NR6A1: variants seen among roughly 807,000 people sequenced by gnomAD.
The protein encoded by NR6A1 is retinoic acid receptor-related testis-associated receptor.
Under a neutral mutation model 59.1 loss-of-function variants are expected in NR6A1, and 7 were observed. That is an observed-to-expected ratio of 0.12 (90% CI 0.07 to 0.22). The LOEUF (loss-of-function observed/expected upper bound fraction) is 0.22, where lower values mean the gene tolerates loss of function less well. NR6A1 is among the 10% of genes least tolerant of loss of function. The pLI is 1.00. For missense variants in NR6A1, 468 were observed against 611.6 expected, an observed-to-expected ratio of 0.77 and a Z score of 2.48; for synonymous variants, 243 against 236.1, an observed-to-expected ratio of 1.03 and a Z score of -0.27.
At chr9:124,596,848 C>T (rs187261569) in intron 2 of NR6A1, among the ~76,000 whole-genome samples, 2 of 152,316 alleles carry the variant, frequency 1.3e-5, no homozygotes, top group East Asian at 3.9e-4. Flanking sequence ...TATCAGGACA[C>T]AATAAAAGGG....
chr9:124,730,021 C>T (rs747978350), intron 2 of NR6A1, among the ~76,000 whole-genome samples: 15 of 152,134 alleles, frequency 9.9e-5, no homozygotes, highest in Non-Finnish European at 2.1e-4. Flanking sequence ...CAATATTGGT[C>T]AGGCTGGTCT....
At chr9:124,638,511 AC>A (rs1836682625) in intron 2 of NR6A1, among the ~76,000 whole-genome samples, 1 of 152,192 alleles carries the variant, frequency 6.6e-6, no homozygotes, top group Non-Finnish European at 1.5e-5. Context: ...CAGGAACAGA[AC>A]AAGATTGTGG....
intron 2 of NR6A1, among the ~76,000 whole-genome samples, chr9:124,610,603 T>C (rs1010622932): frequency 6.6e-6 from 1 of 152,218 alleles, no homozygotes; most frequent in Non-Finnish European, 1.5e-5. Flanking sequence ...ATCAGGATGA[T>C]GCTGGCCTCA....
chr9:124,644,271 C>CTTTTTTTTTTTT (rs35401605), intron 2 of NR6A1, among the ~76,000 whole-genome samples: 4 of 96,730 alleles, frequency 4.1e-5, no homozygotes, highest in Non-Finnish European at 5.7e-5. Flanking sequence ...ATTAAGTCTT[C>CTTTTTTTTTTTT]TTTTTTTTTT....
chr9:124,694,970 A>T (rs761300653), intron 2 of NR6A1, among the ~76,000 whole-genome samples: 6 of 152,204 alleles, frequency 3.9e-5, no homozygotes, highest in Admixed American at 2.0e-4. Context: ...AATCATCTAG[A>T]GTTGCTTTTA....
intron 2 of NR6A1, among the ~76,000 whole-genome samples, chr9:124,699,764 C>G (rs141566484): frequency 2.6e-5 from 4 of 152,324 alleles, no homozygotes; most frequent in South Asian, 2.1e-4. Context: ...ACCCATAAAA[C>G]TCCCTTTGTT....
At chr9:124,703,442 A>T (rs1156302096) in intron 2 of NR6A1, among the ~76,000 whole-genome samples, 2 of 150,944 alleles carry the variant, frequency 1.3e-5, no homozygotes, top group African/African-American at 4.9e-5. Flanking sequence ...TCCTGGCCTC[A>T]TGCAATCCTC....
At chr9:124,674,200 C>T (rs1303803905) in intron 2 of NR6A1, among the ~76,000 whole-genome samples, 1 of 152,070 alleles carries the variant, frequency 6.6e-6, no homozygotes, top group Non-Finnish European at 1.5e-5. Flanking sequence ...AAAATGGAGA[C>T]CAATTCACAC....
At chr9:124,618,431 C>T (rs1311854828) in intron 2 of NR6A1, among the ~76,000 whole-genome samples, 6 of 151,906 alleles carry the variant, frequency 3.9e-5, no homozygotes, top group Non-Finnish European at 7.4e-5. Context: ...TGCATTGAGC[C>T]GAGATTGCAC....
intron 6 of NR6A1, among the ~76,000 whole-genome samples, chr9:124,536,977 G>A (rs1014893393): frequency 6.6e-6 from 1 of 152,148 alleles, no homozygotes; most frequent in African/African-American, 2.4e-5. Context: ...ATAAAAGCCG[G>A]CTTTGAGACC....
chr9:124,680,479 CA>C (rs1279661090), intron 2 of NR6A1, among the ~76,000 whole-genome samples: 1 of 151,338 alleles, frequency 6.6e-6, no homozygotes, highest in African/African-American at 2.4e-5. Flanking sequence ...TGAACACACA[CA>C]AAAAAAACGG....
intron 2 of NR6A1, among the ~76,000 whole-genome samples, chr9:124,566,200 T>C (rs1034508709): frequency 3.3e-5 from 5 of 152,168 alleles, no homozygotes; most frequent in Admixed American, 1.3e-4. Context: ...ATAAATACTA[T>C]AGGATTCCAT....
At chr9:124,581,149 A>G (rs1283191831) in intron 2 of NR6A1, among the ~76,000 whole-genome samples, 3 of 152,212 alleles carry the variant, frequency 2.0e-5, no homozygotes, top group Non-Finnish European at 4.4e-5. Context: ...ACCCAAAACT[A>G]TAAAAACCCT....
intron 2 of NR6A1, among the ~76,000 whole-genome samples, chr9:124,571,412 T>G: frequency 6.6e-6 from 1 of 152,168 alleles, no homozygotes; most frequent in Non-Finnish European, 1.5e-5. Context: ...GAATCTGCAG[T>G]AGATATCTTT....
At chr9:124,565,155 G>A (rs868617490) in intron 2 of NR6A1, among the ~76,000 whole-genome samples, 2 of 152,276 alleles carry the variant, frequency 1.3e-5, no homozygotes, top group South Asian at 4.1e-4. Flanking sequence ...AAGGCCAGGT[G>A]TGGAGGCTCA....
chr9:124,664,390 G>A (rs1837541143), intron 2 of NR6A1, among the ~76,000 whole-genome samples: 1 of 152,200 alleles, frequency 6.6e-6, no homozygotes, highest in African/African-American at 2.4e-5. Context: ...TGTTGAGCTA[G>A]ATGACTTTTA....
chr9:124,633,187 C>G (rs911827513), intron 2 of NR6A1, among the ~76,000 whole-genome samples: 11 of 151,922 alleles, frequency 7.2e-5, no homozygotes, highest in Admixed American at 2.0e-4. Flanking sequence ...AGCGGATCAC[C>G]AGGTCAGGAG....
At chr9:124,534,852 C>A (rs548340150) in intron 7 of NR6A1, among the ~76,000 whole-genome samples, 1 of 152,316 alleles carries the variant, frequency 6.6e-6, no homozygotes, top group South Asian at 2.1e-4. Flanking sequence ...TAGTCTAGAC[C>A]GGGCGCAGTG....
At chr9:124,567,651 C>T (rs1237530787) in intron 2 of NR6A1, among the ~76,000 whole-genome samples, 3 of 151,996 alleles carry the variant, frequency 2.0e-5, no homozygotes, top group Non-Finnish European at 4.4e-5. Context: ...AAAAAAGGCT[C>T]AAAGGTCACT....
Sources: allele counts gnomAD v4.1 joint callset (sites outside exome capture counted in the v4.1 genomes callset), GRCh38; gene constraint gnomAD v4.1.1; transcripts MANE v1.5; gene names NCBI Gene and HGNC (gene_info 2026-07-23, HGNC 2026-07-21).